NT5DC3: variants seen among roughly 807,000 people sequenced by gnomAD.
NT5DC3 encodes the protein 5'-nucleotidase domain-containing protein 3.
A neutral mutation model predicts 67.8 loss-of-function variants in NT5DC3; 42 were observed. The ratio of observed to expected loss-of-function variants is 0.62; its 90% confidence interval spans 0.48 to 0.80. The LOEUF is 0.80. NT5DC3 is among the 30% of genes least tolerant of loss of function. The pLI is 0.00. For missense variants in NT5DC3, 570 were observed against 696.4 expected (o/e 0.82, Z 2.04); for synonymous variants, 237 against 255.6 (o/e 0.93, Z 0.69).
At chr12:103,762,212 G>T in the NT5DC3 span, 1 of 1,597,574 alleles carries the variant, frequency 6.3e-7, no homozygotes, top group Non-Finnish European at 8.5e-7. Context: ...GGCCACCAAG[G>T]GTTCCCCTTT....
chr12:103,795,551 A>G (rs1886273746), intron 6 of NT5DC3, among the ~76,000 whole-genome samples: 1 of 152,188 alleles, frequency 6.6e-6, no homozygotes, highest in South Asian at 2.1e-4. Context: ...ATATTGAGAA[A>G]CTATAATTTA....
At chr12:103,793,121 GC>G in intron 9 of NT5DC3, 42 bp downstream of exon 9, 2 of 1,312,164 alleles carry the variant, frequency 1.5e-6, no homozygotes, top group South Asian at 1.3e-5. Context: ...ATTCACAGCA[GC>G]AAAGGAATAA....
chr12:103,755,090 T>C, the NT5DC3 span: 5 of 588,126 alleles, frequency 8.5e-6, no homozygotes, highest in Non-Finnish European at 1.5e-5. Flanking sequence ...CCTGGGCACC[T>C]ACAAGAAAGA....
chr12:103,748,595 CACACACACAT>C, the NT5DC3 span, among the ~76,000 whole-genome samples: 10,162 of 51,898 alleles, frequency 0.2, 398 homozygotes, highest in Admixed American at 0.31. Context: ...CACACACACA[CACACACACAT>C]ACACACACAC....
chr12:103,827,161 C>G (rs560996556), intron 1 of NT5DC3, among the ~76,000 whole-genome samples: 1 of 152,276 alleles, frequency 6.6e-6, no homozygotes, highest in African/African-American at 2.4e-5. Flanking sequence ...AGGAGAATTG[C>G]TTGAACCCAG....
Position 103,808,946 on chromosome 12 carries a change from C to T in NT5DC3, c.394-2017G>A, listed in dbSNP as rs114992339. On this transcript the variant is annotated intron_variant, in intron 2 of 13. Coordinates refer to ENST00000392876, the MANE Select transcript of NT5DC3 (RefSeq NM_001031701.3). ...TCTTTATCTTTATCCCTCACTACAT[C>T]AGCATGAAGGAAGCAGGCATCTCAA... 5.0e-3 allele frequency among the ~76,000 whole-genome samples: 768 copies of T among 152,332 alleles called. 10 individuals are homozygous for T. Among genetic ancestry groups the T allele is most frequent in the African/African-American group, 0.018 (740 of 41,556 alleles).
intron 12 of NT5DC3, among the ~76,000 whole-genome samples, chr12:103,785,041 C>A (rs1479715615): frequency 1.3e-5 from 2 of 152,180 alleles, no homozygotes; most frequent in African/African-American, 4.8e-5. Context: ...AGCACAGACT[C>A]AAGCACTGGC....
intron 1 of NT5DC3, among the ~76,000 whole-genome samples, chr12:103,836,657 T>C (rs1481546236): frequency 6.6e-6 from 1 of 150,526 alleles, no homozygotes; most frequent in African/African-American, 2.4e-5. Flanking sequence ...TCAATTGGAA[T>C]GTTTTCCTTT....
At chr12:103,762,405 AAG>A in the NT5DC3 span, 9 of 1,614,088 alleles carry the variant, frequency 5.6e-6, no homozygotes, top group African/African-American at 2.7e-5. Context: ...ATTTTGAGGT[AAG>A]AGAGAAAAAT....
At chr12:103,821,167 C>G (rs1207379273) in intron 1 of NT5DC3, among the ~76,000 whole-genome samples, 1 of 152,252 alleles carries the variant, frequency 6.6e-6, no homozygotes, top group Non-Finnish European at 1.5e-5. Flanking sequence ...CCACGTGGAG[C>G]TGACTGCCCT....
At chr12:103,794,182 T>C (rs1188235749) in intron 6 of NT5DC3, among the ~76,000 whole-genome samples, 185 bp from the exon 7 acceptor site, 2 of 72,906 alleles carry the variant, frequency 2.7e-5, no homozygotes, top group African/African-American at 8.6e-5. Context: ...CAGAGTCTTG[T>C]TATATCACCC....
chr12:103,786,700 T>TTTTTTTTTTGG (rs1885794547), intron 11 of NT5DC3, among the ~76,000 whole-genome samples: 2 of 150,840 alleles, frequency 1.3e-5, no homozygotes, highest in African/African-American at 2.4e-5. Flanking sequence ...TTTTTTTTTT[T>TTTTTTTTTTGG]GAGGCAGGGT....
intron 13 of NT5DC3, among the ~76,000 whole-genome samples, chr12:103,780,092 CAG>C (rs1461136785): frequency 1.3e-5 from 2 of 152,202 alleles, no homozygotes; most frequent in African/African-American, 2.4e-5. Flanking sequence ...GGAGGAATGA[CAG>C]GGGTGATGGC....
At chr12:103,781,493 C>T (rs1246712983) in intron 12 of NT5DC3, among the ~76,000 whole-genome samples, 1 of 152,236 alleles carries the variant, frequency 6.6e-6, no homozygotes, top group African/African-American at 2.4e-5. Context: ...CTGGCTGGGG[C>T]GCCCTGCTGG....
chr12:103,759,461 A>C, the NT5DC3 span, among the ~76,000 whole-genome samples: 1 of 152,214 alleles, frequency 6.6e-6, no homozygotes, highest in Non-Finnish European at 1.5e-5. Context: ...ACCCCTTGGG[A>C]AATAGGGCAG....
At chr12:103,766,259 G>GC (rs751955779), downstream of NT5DC3, 7 of 1,613,818 alleles carry the variant, frequency 4.3e-6, no homozygotes, top group Non-Finnish European at 4.2e-6. Flanking sequence ...AGAATGCCCT[G>GC]CCCCCTTACA....
rs1050807997 is a variant in NT5DC3 at position 103,815,833 on chromosome 12, C to T, written c.209-712G>A. On this transcript the variant is annotated intron_variant, in intron 1 of 13. Transcript: ENST00000392876. ...TCCTCAATAAAAGAACATTTGCTACCGAAAAGAACATTTGCTTCAACATCA... is the reference window on the plus strand; with the variant it reads ...TCCTCAATAAAAGAACATTTGCTACTGAAAAGAACATTTGCTTCAACATCA... Among the ~76,000 whole-genome samples the T allele has an allele frequency of 8.6e-5, 13 of 151,832 alleles. No individual in the cohort carries two copies. In the East Asian group the frequency reaches 1.2e-3, roughly 14 times the overall value.
chr12:103,765,301 A>C, the NT5DC3 span, among the ~76,000 whole-genome samples: 7 of 152,284 alleles, frequency 4.6e-5, no homozygotes, highest in South Asian at 1.4e-3. Context: ...GCAGGTGAGA[A>C]AGTAGCCTAA....
chr12:103,793,384 T>C (rs1886153546), intron 8 of NT5DC3, 26 bp downstream of exon 8: 1 of 1,589,924 alleles, frequency 6.3e-7, no homozygotes, highest in African/African-American at 1.3e-5. Flanking sequence ...TGCCAGAAGC[T>C]AGCAATGAAA....
Sources: allele counts gnomAD v4.1 joint callset (sites outside exome capture counted in the v4.1 genomes callset), GRCh38; gene constraint gnomAD v4.1.1; transcripts MANE v1.5; gene names NCBI Gene and HGNC (gene_info 2026-07-23, HGNC 2026-07-21).